The following NME7 variants were observed in gnomAD, a reference collection of about 807,000 sequenced individuals.
The protein encoded by NME7 is NME/NM23 family member 7, also known as nucleoside diphosphate kinase 7.
Under a neutral mutation model 49.1 loss-of-function variants are expected in NME7, and 41 were observed. The ratio of observed to expected loss-of-function variants is 0.83; its 90% CI spans 0.65 to 1.08. The LOEUF is 1.08. NME7 is among the 50% of genes least tolerant of loss of function. The pLI is 0.00. For missense variants in NME7, 423 were observed against 463.4 expected, an observed-to-expected ratio of 0.91 and a Z score of 0.80; for synonymous variants, 139 against 150.6, an observed-to-expected ratio of 0.92 and a Z score of 0.56.
At chr1:169,253,927 T>C (rs2101851394) in intron 7 of NME7, among the ~76,000 whole-genome samples, 1 of 150,498 alleles carries the variant, frequency 6.6e-6, no homozygotes, top group East Asian at 2.0e-4. Flanking sequence ...TTGATCATGG[T>C]GGATAAGCTT....
At chr1:169,288,822 A>G (rs1650380311) in intron 6 of NME7, among the ~76,000 whole-genome samples, 1 of 152,156 alleles carries the variant, frequency 6.6e-6, no homozygotes, top group South Asian at 2.1e-4. Context: ...CTTTGATTGC[A>G]TGGTCCGAGA....
chr1:169,338,425 T>A (rs1652560957), intron 1 of NME7, among the ~76,000 whole-genome samples: 2 of 152,232 alleles, frequency 1.3e-5, no homozygotes, highest in African/African-American at 4.8e-5. Context: ...CTAAATTTTG[T>A]TAGTGAAAAA....
intron 6 of NME7, among the ~76,000 whole-genome samples, chr1:169,291,924 G>A (rs970298467): frequency 6.6e-6 from 1 of 151,914 alleles, no homozygotes; most frequent in Non-Finnish European, 1.5e-5. Flanking sequence ...AAAAATTCAT[G>A]GGACTCCCTA....
At chr1:169,160,140 G>T (rs1659203259) in intron 11 of NME7, among the ~76,000 whole-genome samples, 1 of 152,060 alleles carries the variant, frequency 6.6e-6, no homozygotes, top group Non-Finnish European at 1.5e-5. Context: ...TATTCCTGGG[G>T]TCTCTGTAGG....
chr1:169,173,074 G>A lies in NME7; in HGVS notation c.991-3520C>T, dbSNP rs143574344. On this transcript the variant is annotated intron_variant, in intron 10 of 11. Transcript: ENST00000367811. ...GATGGAGTAGCAAATAAGGGTGGGG[G>A]CTGTGGAAAAAGGCTCTCTGGATTT... Among the ~76,000 whole-genome samples, 576 of 152,260 alleles carry A rather than the reference G, an allele frequency of 3.8e-3. 1 individual carries two copies. The highest frequency in any genetic ancestry group is 6.1e-3 in the Non-Finnish European group (414 of 68,018).
At chr1:169,170,879 A>G (rs1281796065) in intron 10 of NME7, among the ~76,000 whole-genome samples, 1 of 152,138 alleles carries the variant, frequency 6.6e-6, no homozygotes, top group Non-Finnish European at 1.5e-5. Flanking sequence ...GTGAGCCGAG[A>G]CTGTGCATTG....
At position 169,265,759 on chromosome 1, in the gene NME7, C is replaced by T. The variant is rs562670929; in HGVS notation, c.754+21544G>A. On this transcript the variant is annotated intron_variant, in intron 7 of 11. Transcript: ENST00000367811. ...AATAAAGAAAAAAGATACAAATAAACACAATCAGAAATGACAAAGGAGACA... is the reference window on the plus strand; with the variant it reads ...AATAAAGAAAAAAGATACAAATAAATACAATCAGAAATGACAAAGGAGACA... Among the ~76,000 whole-genome samples, 115 of 128,642 alleles carry T rather than the reference C, an allele frequency of 8.9e-4. 28 individuals are homozygous for T. Among genetic ancestry groups the T allele is most frequent in the Non-Finnish European group, 1.8e-3 (100 of 55,120 alleles). The allele number at this position is 128,642 out of a possible 152,430, so 84.4% of individuals were successfully genotyped here. A position where few individuals can be genotyped will look rare whatever the true frequency, so the allele number is the denominator to read the frequency against.
chr1:169,264,681 C>T (rs1159196215), intron 7 of NME7, among the ~76,000 whole-genome samples: 1 of 133,040 alleles, frequency 7.5e-6, no homozygotes, highest in East Asian at 2.0e-4. Context: ...CATCAACACC[C>T]TACTGACAGT....
chr1:169,173,357 T>C (rs1424617022), intron 10 of NME7, among the ~76,000 whole-genome samples: 2 of 152,298 alleles, frequency 1.3e-5, no homozygotes, highest in South Asian at 2.1e-4. Context: ...AATAAAGGTA[T>C]AAGTTTAGAT....
intron 1 of NME7, among the ~76,000 whole-genome samples, chr1:169,338,893 C>T (rs1652578858): frequency 6.6e-6 from 1 of 152,164 alleles, no homozygotes; most frequent in South Asian, 2.1e-4. Flanking sequence ...ACCCTTGTTT[C>T]TTCACGGGCA....
At chr1:169,326,380 T>G (rs1410045109) in intron 1 of NME7, among the ~76,000 whole-genome samples, 1 of 152,204 alleles carries the variant, frequency 6.6e-6, no homozygotes, top group Non-Finnish European at 1.5e-5. Context: ...GGAGAGCTTT[T>G]AAGGCAGCCA....
chr1:169,177,542 T>G (rs1403867643), intron 10 of NME7, among the ~76,000 whole-genome samples: 1 of 152,104 alleles, frequency 6.6e-6, no homozygotes, highest in African/African-American at 2.4e-5. Context: ...ACCCCAGCAC[T>G]TTGGGAGGCT....
intron 10 of NME7, among the ~76,000 whole-genome samples, chr1:169,187,467 T>C (rs916795357): frequency 2.6e-5 from 4 of 152,236 alleles, no homozygotes; most frequent in African/African-American, 9.6e-5. Flanking sequence ...AGTTAGCTCT[T>C]CTTGCTGCAC....
chr1:169,150,314 A>G (rs751056139), intron 11 of NME7, among the ~76,000 whole-genome samples: 18 of 152,222 alleles, frequency 1.2e-4, no homozygotes, highest in Non-Finnish European at 2.4e-4. Flanking sequence ...AGGGCAAGCT[A>G]GTCTATCTGT....
chr1:169,204,519 ATC>A (rs1194241717), intron 10 of NME7, among the ~76,000 whole-genome samples: 1 of 151,992 alleles, frequency 6.6e-6, no homozygotes, highest in Non-Finnish European at 1.5e-5. Flanking sequence ...ATGTGACATA[ATC>A]TCTCATTTTA....
chr1:169,354,816 TAA>T (rs1653323890), intron 1 of NME7, among the ~76,000 whole-genome samples: 1 of 136,158 alleles, frequency 7.3e-6, no homozygotes, highest in African/African-American at 2.7e-5. Context: ...ATAATAGATA[TAA>T]TATATATAAT....
chr1:169,151,297 A>C (rs2101821815), intron 11 of NME7, among the ~76,000 whole-genome samples: 1 of 152,230 alleles, frequency 6.6e-6, no homozygotes, highest in Middle Eastern at 3.4e-3. Flanking sequence ...CGGGTGCTTC[A>C]GGGGCAGCTG....
intron 7 of NME7, among the ~76,000 whole-genome samples, chr1:169,253,324 A>C (rs1397326360): frequency 3.3e-5 from 5 of 149,882 alleles, no homozygotes; most frequent in African/African-American, 9.9e-5. Context: ...CTTTGAAGCA[A>C]TTGTGAATGG....
chr1:169,264,772 A>G (rs1433877875), intron 7 of NME7, among the ~76,000 whole-genome samples: 1 of 133,772 alleles, frequency 7.5e-6, no homozygotes, highest in Non-Finnish European at 1.8e-5. Context: ...AGACATCTAC[A>G]GAACTCATCA....
Sources: allele counts gnomAD v4.1 joint callset (sites outside exome capture counted in the v4.1 genomes callset), GRCh38; gene constraint gnomAD v4.1.1; transcripts MANE v1.5; gene names NCBI Gene and HGNC (gene_info 2026-07-23, HGNC 2026-07-21).